MAP7: variants seen among roughly 807,000 people sequenced by gnomAD.
MAP7 encodes microtubule associated protein 7.
Under a neutral mutation model 94.8 loss-of-function variants are expected in MAP7, and 52 were observed. The observed-to-expected ratio is 0.55, with a 90% CI of 0.44 to 0.69. MAP7 has a LOEUF of 0.69. Ranked by LOEUF, MAP7 falls within the 30% of genes least tolerant of loss-of-function variation. MAP7 has a pLI of 0.00. For missense variants in MAP7, 940 were observed against 964.6 expected, an observed-to-expected ratio of 0.97 and a Z score of 0.34; for synonymous variants, 350 against 357.0, an observed-to-expected ratio of 0.98 and a Z score of 0.22.
intron 1 of MAP7, among the ~76,000 whole-genome samples, chr6:136,541,991 A>G (rs965467842): frequency 6.6e-5 from 10 of 152,154 alleles, no homozygotes; most frequent in African/African-American, 2.4e-4. Context: ...CCTGGGAGGC[A>G]GAGGTTACCG....
chr6:136,455,213 G>C (rs942810002), intron 1 of MAP7, among the ~76,000 whole-genome samples: 25 of 151,676 alleles, frequency 1.6e-4, no homozygotes, highest in Non-Finnish European at 3.4e-4. Context: ...GGTAAAAACA[G>C]CAATATGTGA....
intron 1 of MAP7, among the ~76,000 whole-genome samples, chr6:136,454,001 A>T (rs191527107): frequency 6.6e-6 from 1 of 152,314 alleles, no homozygotes; most frequent in East Asian, 1.9e-4. Flanking sequence ...TATGCAAGAC[A>T]TCAGTAAAGT....
chr6:136,397,846 A>C (rs1447426952), intron 3 of MAP7, among the ~76,000 whole-genome samples: 1 of 152,182 alleles, frequency 6.6e-6, no homozygotes, highest in African/African-American at 2.4e-5. Context: ...CAACCACTTA[A>C]TTTCATAAAG....
chr6:136,360,723 C>T lies in MAP7; in HGVS notation c.1777G>A (p.Glu593Lys). 1 of 1,614,194 alleles carries T rather than the reference C, an allele frequency of 6.2e-7. No homozygotes were observed. Among genetic ancestry groups the T allele is most frequent in the Non-Finnish European group, 8.5e-7 (1 of 1,180,034 alleles). The change falls in exon 13 of 18, where the codon GAG (glutamate) becomes AAG (lysine). Residue 593 changes from glutamate (E) to lysine (K), a missense_variant. Glu to Lys is a moderately conservative substitution (Grantham distance 56). Transcript: ENST00000354570. ...TTCTTTCTCTCCAGGCGCTCTTGCT[C>T]TTCTCTCTGGAAATGCTTCTCTCGT... ...QEREKHFQRE[E>K]QERLERKKRL...
intron 3 of MAP7, among the ~76,000 whole-genome samples, chr6:136,394,038 C>T (rs1461050019): frequency 6.1e-5 from 9 of 146,834 alleles, no homozygotes; most frequent in East Asian, 2.0e-4. Context: ...GGCTAGAGTC[C>T]GGTAGTGCAA....
In MAP7 at chr6:136,348,956, T is replaced by C. The variant is rs555126383; in HGVS notation, c.2016-2877A>G. ...TTAGGAGGGTAAGGCAGTATCTGTA[T>C]AGGCAGCAGAGCTTCTTAGCCTCTG... is the stretch of plus-strand genomic sequence containing the variant. On this transcript the variant is annotated intron_variant, in intron 16 of 17. Coordinates refer to ENST00000354570, the MANE Select transcript of MAP7 (RefSeq NM_003980.6). Among the ~76,000 whole-genome samples the C allele has an allele frequency of 9.2e-5, 14 of 152,330 alleles. No individual in the cohort carries two copies. In the South Asian group the frequency reaches 2.9e-3, roughly 32 times the overall value.
At chr6:136,466,642 C>A in intron 1 of MAP7, 1 of 878,392 alleles carries the variant, frequency 1.1e-6, no homozygotes, top group Non-Finnish European at 1.6e-6. Context: ...TAGAAGATTT[C>A]CTACTCTGTA....
chr6:136,424,141 T>C (rs1792389903), intron 1 of MAP7, among the ~76,000 whole-genome samples: 1 of 152,030 alleles, frequency 6.6e-6, no homozygotes. Context: ...GAGATTTCAC[T>C]ACTTAAGAAC....
At chr6:136,369,419 C>T (rs1279422669) in intron 8 of MAP7, among the ~76,000 whole-genome samples, 1 of 152,072 alleles carries the variant, frequency 6.6e-6, no homozygotes, top group Non-Finnish European at 1.5e-5. Context: ...ACTAAAAATA[C>T]AAAAATTAGA....
chr6:136,380,907 T>C (rs1336782759), intron 6 of MAP7, among the ~76,000 whole-genome samples: 1 of 152,244 alleles, frequency 6.6e-6, no homozygotes, highest in Non-Finnish European at 1.5e-5. Context: ...TTTTAATAAC[T>C]AGTAGAGCTC....
chr6:136,358,165 C>T (rs1473154989), intron 15 of MAP7, among the ~76,000 whole-genome samples: 1 of 152,232 alleles, frequency 6.6e-6, no homozygotes. Flanking sequence ...CAGCAAGTTT[C>T]ACCTTCCCTC....
intron 7 of MAP7, among the ~76,000 whole-genome samples, chr6:136,375,787 A>G (rs899773417): frequency 1.3e-5 from 2 of 152,222 alleles, no homozygotes; most frequent in Admixed American, 1.3e-4. Context: ...TTACAGAAAC[A>G]TATCAACTTG....
intron 1 of MAP7, among the ~76,000 whole-genome samples, chr6:136,456,769 A>AGGC (rs1241980478): frequency 1.8e-5 from 1 of 57,054 alleles, no homozygotes; most frequent in African/African-American, 5.6e-5. Context: ...GAGGAGGAGG[A>AGGC]AGAAGAAGAA....
chr6:136,407,160 G>A (rs1785882139), intron 3 of MAP7, among the ~76,000 whole-genome samples: 1 of 152,126 alleles, frequency 6.6e-6, no homozygotes. Context: ...GAAGATTGTA[G>A]AGTAAGCAAA....
intron 1 of MAP7, among the ~76,000 whole-genome samples, chr6:136,534,790 AC>A (rs1828746973): frequency 6.6e-6 from 1 of 152,156 alleles, no homozygotes; most frequent in African/African-American, 2.4e-5. Flanking sequence ...TATCAAATGA[AC>A]CCTTTTAATG....
intron 1 of MAP7, among the ~76,000 whole-genome samples, chr6:136,461,721 T>C (rs1805276458): frequency 6.6e-6 from 1 of 152,134 alleles, no homozygotes; most frequent in African/African-American, 2.4e-5. Flanking sequence ...TTAAGGACTG[T>C]TTGGGGTATT....
intron 1 of MAP7, among the ~76,000 whole-genome samples, chr6:136,496,092 AT>A (rs1263532933): frequency 6.6e-4 from 100 of 152,350 alleles, no homozygotes; most frequent in African/African-American, 2.2e-3. Context: ...CTGAACAGGT[AT>A]ACTTCTTTTG....
chr6:136,368,868 C>A (rs1360946335), intron 8 of MAP7, among the ~76,000 whole-genome samples: 1 of 152,158 alleles, frequency 6.6e-6, no homozygotes, highest in Non-Finnish European at 1.5e-5. Context: ...CTATTGAAAT[C>A]CCAATATAAT....
At chr6:136,536,464 C>A (rs978464409) in intron 1 of MAP7, among the ~76,000 whole-genome samples, 1 of 152,132 alleles carries the variant, frequency 6.6e-6, no homozygotes, top group South Asian at 2.1e-4. Flanking sequence ...GACAAAGGAG[C>A]CTTTTGGCAA....
Sources: allele counts gnomAD v4.1 joint callset (sites outside exome capture counted in the v4.1 genomes callset), GRCh38; gene constraint gnomAD v4.1.1; transcripts MANE v1.5; gene names NCBI Gene and HGNC (gene_info 2026-07-23, HGNC 2026-07-21).